Variants in PRR16 observed in about 807,000 individuals in gnomAD.
PRR16 encodes the protein proline rich 16, also known as protein Largen.
Under a neutral mutation model 18.2 loss-of-function variants are expected in PRR16, and 6 were observed. The ratio of observed to expected loss-of-function variants is 0.33; its 90% CI spans 0.18 to 0.65. The LOEUF (loss-of-function observed/expected upper bound fraction) is 0.65, where lower values mean the gene tolerates loss of function less well. PRR16 is among the 30% of genes least tolerant of loss of function. The pLI is 0.74. For synonymous variants in PRR16, 151 were observed against 147.8 expected, an observed-to-expected ratio of 1.02 and a Z score of -0.16; for missense variants, 412 against 376.6, an observed-to-expected ratio of 1.09 and a Z score of -0.78.
chr5:120,726,984 C>A, the PRR16 span, among the ~76,000 whole-genome samples: 3 of 151,950 alleles, frequency 2.0e-5, no homozygotes, highest in African/African-American at 7.3e-5. Context: ...AATGGATCAG[C>A]TGCTCATCAA....
chr5:120,750,832 C>T, the PRR16 span, among the ~76,000 whole-genome samples: 1 of 152,120 alleles, frequency 6.6e-6, no homozygotes, highest in Non-Finnish European at 1.5e-5. Flanking sequence ...AAGTCCACTT[C>T]TCTAGTTATT....
At chr5:120,709,777 A>G in the PRR16 span, among the ~76,000 whole-genome samples, 1 of 152,166 alleles carries the variant, frequency 6.6e-6, no homozygotes, top group Non-Finnish European at 1.5e-5. Flanking sequence ...TGACATAATA[A>G]TCTCCAGTTT....
At chr5:120,572,112 T>A (rs2112737371) in intron 1 of PRR16, among the ~76,000 whole-genome samples, 1 of 152,288 alleles carries the variant, frequency 6.6e-6, no homozygotes, top group East Asian at 1.9e-4. Flanking sequence ...TGGCATATTC[T>A]TTGTCTCGTA....
chr5:120,784,432 T>G, the PRR16 span, among the ~76,000 whole-genome samples: 1 of 152,232 alleles, frequency 6.6e-6, no homozygotes, highest in East Asian at 1.9e-4. Flanking sequence ...CATTGTGGTT[T>G]TAATTTGCAT....
At chr5:120,624,162 T>C (rs75184655) in intron 1 of PRR16, among the ~76,000 whole-genome samples, 235 of 152,242 alleles carry the variant, frequency 1.5e-3, no homozygotes, top group African/African-American at 5.4e-3. Flanking sequence ...AGAACATTCT[T>C]ATGGTCAGGT....
chr5:120,611,127 T>C (rs1754320036), intron 1 of PRR16, among the ~76,000 whole-genome samples: 1 of 152,112 alleles, frequency 6.6e-6, no homozygotes, highest in Non-Finnish European at 1.5e-5. Flanking sequence ...ACTTTGACCT[T>C]GAGAGAGATG....
chr5:120,766,606 G>A, the PRR16 span, among the ~76,000 whole-genome samples: 3 of 151,858 alleles, frequency 2.0e-5, no homozygotes, highest in Non-Finnish European at 2.9e-5. Flanking sequence ...CCTCTTAAGT[G>A]AATCAGCTCA....
At chr5:120,495,810 C>G (rs980348962) in intron 1 of PRR16, among the ~76,000 whole-genome samples, 1 of 151,932 alleles carries the variant, frequency 6.6e-6, no homozygotes, top group South Asian at 2.1e-4. Flanking sequence ...ATATCCTTTT[C>G]TTGCATTATT....
chr5:120,471,613 C>T (rs1749270663), intron 1 of PRR16, among the ~76,000 whole-genome samples: 1 of 151,942 alleles, frequency 6.6e-6, no homozygotes, highest in South Asian at 2.1e-4. Context: ...GATTATAAAC[C>T]ACCTCCTCTC....
intron 1 of PRR16, among the ~76,000 whole-genome samples, chr5:120,653,427 C>A (rs942095733): frequency 1.3e-4 from 19 of 151,666 alleles, no homozygotes; most frequent in African/African-American, 4.1e-4. Context: ...ATAGTATTAA[C>A]CCATAAGTAT....
chr5:120,481,710 G>C (rs2112811370), intron 1 of PRR16, among the ~76,000 whole-genome samples: 1 of 152,242 alleles, frequency 6.6e-6, no homozygotes, highest in African/African-American at 2.4e-5. Flanking sequence ...AACAAAAATG[G>C]TGTTTCATGT....
chr5:120,687,751 T>C (rs116557446), downstream of PRR16, among the ~76,000 whole-genome samples: 376 of 152,328 alleles, frequency 2.5e-3, 2 homozygotes, highest in African/African-American at 8.8e-3. Context: ...AGTTGAAAGA[T>C]ACCATGGGCC....
In PRR16 at chr5:120,679,287, G is replaced by T. The variant is rs114380604; in HGVS notation, c.160-6667G>T. 8.1e-3 allele frequency among the ~76,000 whole-genome samples: 1,240 copies of T among 152,156 alleles called. 30 individuals carry two copies. The highest frequency in any genetic ancestry group is 0.028 in the African/African-American group (1,149 of 41,488). On this transcript the variant is annotated intron_variant, in intron 1 of 1. Transcript: ENST00000407149. ...TCTAGATACCTGATGTTTAGTTGTG[G>T]ATGTTCCTAGATTTATGATTGATGC...
chr5:120,765,740 A>C, the PRR16 span, among the ~76,000 whole-genome samples: 11 of 152,200 alleles, frequency 7.2e-5, no homozygotes, highest in East Asian at 1.5e-3. Flanking sequence ...GATTATTACC[A>C]ACATTTCCAA....
At chr5:120,700,622 A>G in the PRR16 span, among the ~76,000 whole-genome samples, 2 of 152,066 alleles carry the variant, frequency 1.3e-5, no homozygotes, top group Non-Finnish European at 2.9e-5. Context: ...AGTATTGTCC[A>G]AGTTGGCACC....
intron 1 of PRR16, among the ~76,000 whole-genome samples, chr5:120,475,702 A>G (rs1170026668): frequency 6.6e-6 from 1 of 152,164 alleles, no homozygotes; most frequent in Non-Finnish European, 1.5e-5. Flanking sequence ...ATGCTACTGC[A>G]TTCAAGCCTG....
intron 1 of PRR16, among the ~76,000 whole-genome samples, chr5:120,535,553 A>C (rs1183209813): frequency 2.6e-5 from 4 of 152,214 alleles, no homozygotes; most frequent in African/African-American, 7.2e-5. Flanking sequence ...CAATCCCAGC[A>C]CTTTGGGAGG....
intron 1 of PRR16, among the ~76,000 whole-genome samples, chr5:120,593,694 CA>C (rs1753712197): frequency 6.6e-6 from 1 of 151,818 alleles, no homozygotes; most frequent in Non-Finnish European, 1.5e-5. Context: ...GGTAGAGGCA[CA>C]ACGAAAGGAA....
At chr5:120,651,387 A>T (rs374769539) in intron 1 of PRR16, among the ~76,000 whole-genome samples, 1 of 152,060 alleles carries the variant, frequency 6.6e-6, no homozygotes, top group Non-Finnish European at 1.5e-5. Flanking sequence ...GGTGTTTTAG[A>T]CATGAAGTCC....
Sources: gnomAD v4.1 joint callset for allele counts (sites outside exome capture counted in the v4.1 genomes callset) on GRCh38, gnomAD v4.1.1 for gene constraint, MANE v1.5 for transcripts, NCBI Gene and HGNC (gene_info 2026-07-23, HGNC 2026-07-21) for gene names.